The following ARHGEF28 variants were observed in gnomAD, a reference collection of about 807,000 sequenced individuals.
ARHGEF28 encodes the protein Rho guanine nucleotide exchange factor 28.
ARHGEF28 carries 152 observed loss-of-function variants against 206.6 expected under a neutral mutation model. The observed-to-expected ratio is 0.74, with a 90% confidence interval of 0.64 to 0.84. The LOEUF is 0.84. ARHGEF28 is among the 40% of genes least tolerant of loss of function. ARHGEF28 has a pLI of 0.00. For synonymous variants in ARHGEF28, 763 were observed against 776.4 expected (o/e 0.98, Z 0.29); for missense variants, 2,028 against 2,073.2 (o/e 0.98, Z 0.42).
rs144914041 is a variant in ARHGEF28 at position 73,798,996 on chromosome 5, C to G, written c.1024+3605C>G. The stretch of plus-strand genomic sequence containing the variant: ...TGCTACTTGGGGGGCTGAGGCAGGA[C>G]AATGGCTTGAACCTGGGAGGCAGAG... On this transcript the variant is annotated intron_variant, in intron 9 of 35. Coordinates refer to ENST00000513042, the MANE Select transcript of ARHGEF28 (RefSeq NM_001177693.2). 2.6e-3 allele frequency among the ~76,000 whole-genome samples: 390 copies of G among 152,198 alleles called. 1 individual carries two copies. Among genetic ancestry groups the G allele is most frequent in the African/African-American group, 8.6e-3 (359 of 41,510 alleles).
At chr5:73,724,930 C>T (rs982009728) in intron 2 of ARHGEF28, among the ~76,000 whole-genome samples, 7 of 151,880 alleles carry the variant, frequency 4.6e-5, no homozygotes, top group Non-Finnish European at 7.4e-5. Flanking sequence ...ATTTCTAGGT[C>T]GTATGGTAAG....
intron 28 of ARHGEF28, 29 bp downstream of exon 28, chr5:73,893,317 GTC>G (rs1761764803): frequency 6.6e-7 from 1 of 1,512,572 alleles, no homozygotes; most frequent in East Asian, 2.5e-5. Context: ...TGGCTCCCTG[GTC>G]GTGGTGTTCT....
chr5:73,804,106 A>G (rs1651843714), intron 9 of ARHGEF28, among the ~76,000 whole-genome samples: 1 of 150,808 alleles, frequency 6.6e-6, no homozygotes, highest in Non-Finnish European at 1.5e-5. Flanking sequence ...AAAAAAAAAA[A>G]AGAAAGAGTC....
At chr5:73,790,351 G>C (rs956914308) in intron 7 of ARHGEF28, among the ~76,000 whole-genome samples, 1 of 151,070 alleles carries the variant, frequency 6.6e-6, no homozygotes, top group Non-Finnish European at 1.5e-5. Context: ...AGAAACACAA[G>C]TAATTTAAAT....
chr5:73,686,050 C>T (rs1747446298), intron 2 of ARHGEF28, among the ~76,000 whole-genome samples: 1 of 152,172 alleles, frequency 6.6e-6, no homozygotes, highest in African/African-American at 2.4e-5. Context: ...ACATACTTCT[C>T]TGGAGGAAGA....
At chr5:73,687,742 T>G (rs1310982821) in intron 2 of ARHGEF28, among the ~76,000 whole-genome samples, 1 of 151,838 alleles carries the variant, frequency 6.6e-6, no homozygotes, top group Non-Finnish European at 1.5e-5. Context: ...TTATATATAT[T>G]TATTGTAAAA....
At chr5:73,727,660 T>C (rs1229340937) in intron 2 of ARHGEF28, among the ~76,000 whole-genome samples, 1 of 152,232 alleles carries the variant, frequency 6.6e-6, no homozygotes, top group South Asian at 2.1e-4. Flanking sequence ...TGTTTTTTCT[T>C]GGATATCATC....
intron 2 of ARHGEF28, among the ~76,000 whole-genome samples, chr5:73,690,525 CAAAAAAAAAAAA>C (rs71615796): frequency 4.3e-4 from 10 of 23,356 alleles, no homozygotes; most frequent in African/African-American, 8.7e-4. Context: ...TCTGTCTTTA[CAAAAAAAAAAAA>C]AAAAAAAAAA....
chr5:73,695,928 T>G (rs1748183661), intron 2 of ARHGEF28, among the ~76,000 whole-genome samples: 1 of 152,174 alleles, frequency 6.6e-6, no homozygotes, highest in African/African-American at 2.4e-5. Context: ...ATTCTCTTAT[T>G]TCTAGGACAT....
chr5:73,913,776 A>G (rs1423358927), intron 35 of ARHGEF28, among the ~76,000 whole-genome samples: 1 of 152,188 alleles, frequency 6.6e-6, no homozygotes, highest in Non-Finnish European at 1.5e-5. Context: ...AATCTGGCTA[A>G]CATAATTTGC....
At chr5:73,864,732 G>T in intron 16 of ARHGEF28, 85 bp from the exon 17 acceptor site, 1 of 1,141,400 alleles carries the variant, frequency 8.8e-7, no homozygotes, top group South Asian at 1.5e-5. Context: ...TTTTTATAAT[G>T]ACCAGTGAAA....
At chr5:73,726,389 A>G (rs1194974911) in intron 2 of ARHGEF28, among the ~76,000 whole-genome samples, 1 of 152,230 alleles carries the variant, frequency 6.6e-6, no homozygotes, top group South Asian at 2.1e-4. Flanking sequence ...TGTAGCAGTT[A>G]CAAAAAAATA....
intron 35 of ARHGEF28, among the ~76,000 whole-genome samples, chr5:73,919,067 A>G (rs1763376524): frequency 6.6e-6 from 1 of 152,154 alleles, no homozygotes; most frequent in Non-Finnish European, 1.5e-5. Flanking sequence ...TAGTTTCCCC[A>G]TCTGTACAAA....
chr5:73,894,379 A>C lies in ARHGEF28; in HGVS notation c.3659-14A>C, dbSNP rs544328564. ...TGTTAGTGATAATCTTCTATGGTAA[A>C]TACTATTTCATAGAAATACTCACTA... On this transcript the variant is annotated splice_polypyrimidine_tract_variant and intron_variant, in intron 28 of 35. Coordinates refer to ENST00000513042, the MANE Select transcript of ARHGEF28 (RefSeq NM_001177693.2). 4 of 1,587,590 alleles carry C rather than the reference A, an allele frequency of 2.5e-6. No homozygotes were observed. In the African/African-American group the frequency reaches 5.4e-5, roughly 21 times the overall value.
rs780377982 is a variant in ARHGEF28 at position 73,911,255 on chromosome 5, T to C, written c.4648-20T>C. On this transcript the variant is annotated intron_variant, in intron 34 of 35. Transcript: ENST00000513042. Reference sequence around the variant, plus strand: ...TAAGTTAGAAAAATTATTGTACTTTTCCTCTGTTTCTTTACACAGGTAATG... The same window carrying C: ...TAAGTTAGAAAAATTATTGTACTTTCCCTCTGTTTCTTTACACAGGTAATG... 2 of 1,544,534 alleles carry C rather than the reference T, an allele frequency of 1.3e-6. No individual in the cohort carries two copies. The highest frequency in any genetic ancestry group is 1.8e-6 in the Non-Finnish European group (2 of 1,140,366).
intron 16 of ARHGEF28, among the ~76,000 whole-genome samples, chr5:73,863,530 TG>T (rs1759524866): frequency 6.6e-6 from 1 of 152,152 alleles, no homozygotes; most frequent in East Asian, 1.9e-4. Flanking sequence ...TTGCGGTCCT[TG>T]CCTGTCTCAT....
At chr5:73,723,963 C>T (rs1239974314) in intron 2 of ARHGEF28, among the ~76,000 whole-genome samples, 1 of 152,238 alleles carries the variant, frequency 6.6e-6, no homozygotes, top group African/African-American at 2.4e-5. Context: ...GCCTCTGTCT[C>T]TGTTCCCTTT....
chr5:73,889,814 G>T (rs1290026204), intron 26 of ARHGEF28, among the ~76,000 whole-genome samples: 1 of 152,208 alleles, frequency 6.6e-6, no homozygotes, highest in Non-Finnish European at 1.5e-5. Flanking sequence ...AAGTGAGTCT[G>T]TGCCCTGTCT....
intron 4 of ARHGEF28, among the ~76,000 whole-genome samples, chr5:73,763,933 A>G (rs973029729): frequency 1.3e-5 from 2 of 152,206 alleles, no homozygotes; most frequent in African/African-American, 4.8e-5. Context: ...AATTGTGACC[A>G]CAGGAAAATT....
Sources: allele counts gnomAD v4.1 joint callset (sites outside exome capture counted in the v4.1 genomes callset), GRCh38; gene constraint gnomAD v4.1.1; transcripts MANE v1.5; gene names NCBI Gene and HGNC (gene_info 2026-07-23, HGNC 2026-07-21).